GRM1: variants seen among roughly 807,000 people sequenced by gnomAD.
GRM1 encodes metabotropic glutamate receptor 1.
In GRM1, 33 loss-of-function variants were observed where a neutral mutation model predicts 90.9. The ratio of observed to expected loss-of-function variants is 0.36; its 90% CI spans 0.28 to 0.49. The LOEUF (loss-of-function observed/expected upper bound fraction) is 0.49. GRM1 is among the 20% of genes least tolerant of loss of function. GRM1 has a pLI of 0.99. For synonymous variants in GRM1, 700 were observed against 613.2 expected (o/e 1.14, Z -2.09); for missense variants, 1,190 against 1,534.3 (o/e 0.78, Z 3.75).
intron 1 of GRM1, among the ~76,000 whole-genome samples, chr6:146,130,406 T>A (rs144716219): frequency 2.7e-4 from 41 of 152,230 alleles, no homozygotes; most frequent in African/African-American, 9.6e-4. Context: ...AGGTGGAGGA[T>A]GTTAGATAGT....
At chr6:146,185,941 CT>C (rs1313486740) in intron 2 of GRM1, among the ~76,000 whole-genome samples, 2 of 151,218 alleles carry the variant, frequency 1.3e-5, no homozygotes, top group East Asian at 3.9e-4. Context: ...TATAGACATA[CT>C]TTTTTTTCTT....
At chr6:146,372,674 A>G (rs1257314949) in intron 5 of GRM1, among the ~76,000 whole-genome samples, 3 of 152,144 alleles carry the variant, frequency 2.0e-5, no homozygotes, top group Admixed American at 1.3e-4. Context: ...ATTCTTCTGC[A>G]TAGGAAAATC....
chr6:146,411,666 C>T (rs772585165), intron 7 of GRM1, among the ~76,000 whole-genome samples: 6 of 152,116 alleles, frequency 3.9e-5, no homozygotes, highest in Non-Finnish European at 8.8e-5. Context: ...TTACAGTGGC[C>T]TGACCTGTGG....
chr6:146,153,014 G>A (rs1277508671), intron 1 of GRM1, among the ~76,000 whole-genome samples: 1 of 152,202 alleles, frequency 6.6e-6, no homozygotes, highest in Non-Finnish European at 1.5e-5. Context: ...TGGGATTGGG[G>A]AAAGGCAGAG....
chr6:146,406,567 G>A (rs1437115934), intron 7 of GRM1, among the ~76,000 whole-genome samples: 5 of 152,086 alleles, frequency 3.3e-5, no homozygotes, highest in African/African-American at 9.7e-5. Context: ...GGTAGCTCAC[G>A]CCTATAGTCC....
chr6:146,129,102 G>A (rs1337086021), intron 1 of GRM1, among the ~76,000 whole-genome samples: 1 of 152,150 alleles, frequency 6.6e-6, no homozygotes, highest in East Asian at 1.9e-4. Flanking sequence ...AAGAATGACT[G>A]ACTTGGGGTG....
chr6:146,423,088 AACT>A (rs1778059055), intron 7 of GRM1, among the ~76,000 whole-genome samples: 1 of 152,176 alleles, frequency 6.6e-6, no homozygotes, highest in South Asian at 2.1e-4. Context: ...TTTCTAACTA[AACT>A]ACTTCTGGGG....
chr6:146,287,466 T>C (rs745767576), intron 2 of GRM1, among the ~76,000 whole-genome samples: 7 of 152,238 alleles, frequency 4.6e-5, no homozygotes, highest in Admixed American at 2.6e-4. Flanking sequence ...TATTTATGGC[T>C]GTTTGTATTG....
chr6:146,070,016 T>G (rs1408681001), intron 1 of GRM1, among the ~76,000 whole-genome samples: 1 of 152,094 alleles, frequency 6.6e-6, no homozygotes, highest in Non-Finnish European at 1.5e-5. Flanking sequence ...ACCCCAAAAG[T>G]CTAATAAAAA....
At chr6:146,282,673 A>T (rs1056862983) in intron 2 of GRM1, among the ~76,000 whole-genome samples, 6 of 152,210 alleles carry the variant, frequency 3.9e-5, no homozygotes, top group African/African-American at 1.4e-4. Flanking sequence ...GTAAAAAATA[A>T]CATTCTCCCT....
At chr6:146,036,178 A>T (rs1790884545) in intron 1 of GRM1, among the ~76,000 whole-genome samples, 1 of 151,986 alleles carries the variant, frequency 6.6e-6, no homozygotes, top group South Asian at 2.1e-4. Context: ...TGATGGGTTC[A>T]CAAAGAGACT....
chr6:146,048,043 C>T (rs1314178070), intron 1 of GRM1, among the ~76,000 whole-genome samples: 14 of 151,914 alleles, frequency 9.2e-5, no homozygotes, highest in Admixed American at 8.5e-4. Flanking sequence ...AGAACCATGC[C>T]TCATCAACTC....
intron 7 of GRM1, among the ~76,000 whole-genome samples, chr6:146,407,078 T>C (rs1009879300): frequency 2.6e-5 from 4 of 152,220 alleles, no homozygotes. Context: ...CAGGCCAGAA[T>C]GTTCTCACTT....
intron 1 of GRM1, among the ~76,000 whole-genome samples, chr6:146,111,491 AGT>A (rs943436987): frequency 5.9e-5 from 9 of 152,258 alleles, no homozygotes; most frequent in Non-Finnish European, 8.8e-5. Context: ...AAATAAAAAC[AGT>A]TGATAACATA....
chr6:146,380,162 G>A (rs916129477), intron 5 of GRM1, among the ~76,000 whole-genome samples: 1 of 152,096 alleles, frequency 6.6e-6, no homozygotes, highest in African/African-American at 2.4e-5. Context: ...AAGTGGCAAA[G>A]CCAGCCAGGT....
At chr6:146,033,856 ACT>A (rs1488601989) in intron 1 of GRM1, among the ~76,000 whole-genome samples, 1 of 152,060 alleles carries the variant, frequency 6.6e-6, no homozygotes, top group Non-Finnish European at 1.5e-5. Context: ...ATAAATACAT[ACT>A]TTGATTAATG....
At chr6:146,423,195 CT>C (rs1387758093) in intron 7 of GRM1, among the ~76,000 whole-genome samples, 3 of 152,192 alleles carry the variant, frequency 2.0e-5, no homozygotes, top group Non-Finnish European at 4.4e-5. Flanking sequence ...TCCCTCCAAG[CT>C]TTTACTCTGG....
intron 1 of GRM1, among the ~76,000 whole-genome samples, chr6:146,109,779 A>G (rs991310442): frequency 1.2e-4 from 18 of 152,322 alleles, no homozygotes; most frequent in African/African-American, 4.3e-4. Context: ...ACAGGGGTGG[A>G]GCTGCCCAAG....
intron 1 of GRM1, among the ~76,000 whole-genome samples, chr6:146,116,937 C>T (rs977009936): frequency 6.6e-6 from 1 of 151,896 alleles, no homozygotes; most frequent in African/African-American, 2.4e-5. Flanking sequence ...TCACCACCCC[C>T]ACTCCCATTT....
Sources: allele counts gnomAD v4.1 joint callset (sites outside exome capture counted in the v4.1 genomes callset), GRCh38; gene constraint gnomAD v4.1.1; transcripts MANE v1.5; gene names NCBI Gene and HGNC (gene_info 2026-07-23, HGNC 2026-07-21).